The following DYM variants were observed in gnomAD, a reference collection of about 807,000 sequenced individuals.
DYM encodes the protein dymeclin.
A neutral mutation model predicts 93.1 loss-of-function variants in DYM; 78 were observed. The observed-to-expected ratio is 0.84, with a 90% CI of 0.70 to 1.01. The LOEUF (loss-of-function observed/expected upper bound fraction) is 1.01. Among genes scored for constraint, DYM ranks in the 50% least tolerant of loss-of-function variants. DYM has a pLI of 0.00. For synonymous variants in DYM, 321 were observed against 319.7 expected (o/e 1.00, Z -0.04); for missense variants, 789 against 845.0 (o/e 0.93, Z 0.82).
chr18:49,108,602 C>G (rs986323966), intron 16 of DYM, among the ~76,000 whole-genome samples: 1 of 152,230 alleles, frequency 6.6e-6, no homozygotes, highest in Non-Finnish European at 1.5e-5. Flanking sequence ...AGAATATACT[C>G]TAGGTGATCT....
At chr18:49,259,349 C>T (rs932127351) in intron 11 of DYM, among the ~76,000 whole-genome samples, 5 of 152,232 alleles carry the variant, frequency 3.3e-5, no homozygotes, top group Non-Finnish European at 7.3e-5. Context: ...AGACTCTCTT[C>T]TAATTACCAG....
intron 2 of DYM, among the ~76,000 whole-genome samples, chr18:49,424,487 A>T (rs2074059373): frequency 6.6e-6 from 1 of 152,080 alleles, no homozygotes; most frequent in Non-Finnish European, 1.5e-5. Context: ...AAACTGGCAC[A>T]GGACAGGGAT....
At chr18:49,265,636 G>T (rs1265600443) in intron 11 of DYM, among the ~76,000 whole-genome samples, 3 of 151,966 alleles carry the variant, frequency 2.0e-5, no homozygotes, top group African/African-American at 7.3e-5. Context: ...AAATTAGCCG[G>T]GTGTGGTGGC....
chr18:49,195,812 C>T (rs992921145), intron 14 of DYM, among the ~76,000 whole-genome samples: 1 of 151,932 alleles, frequency 6.6e-6, no homozygotes, highest in Admixed American at 6.6e-5. Context: ...CTTAGGGAGC[C>T]TTCGTTTAGT....
chr18:49,388,163 C>T (rs914327637), intron 3 of DYM, among the ~76,000 whole-genome samples: 1 of 151,914 alleles, frequency 6.6e-6, no homozygotes, highest in African/African-American at 2.4e-5. Context: ...GATCCCACCT[C>T]TACAGAAAAC....
chr18:49,441,306 TAATTAA>T (rs1568455180), intron 1 of DYM, among the ~76,000 whole-genome samples: 13 of 50,178 alleles, frequency 2.6e-4, no homozygotes, highest in African/African-American at 1.1e-3. Flanking sequence ...TAATTATATA[TAATTAA>T]TATATAATTA....
chr18:49,330,949 A>G (rs1417743416), intron 8 of DYM, among the ~76,000 whole-genome samples: 1 of 152,254 alleles, frequency 6.6e-6, no homozygotes, highest in East Asian at 1.9e-4. Flanking sequence ...TCTGTCAATT[A>G]ACAGACCAAG....
intron 14 of DYM, among the ~76,000 whole-genome samples, chr18:49,174,648 A>T (rs2089177252): frequency 6.6e-6 from 1 of 152,186 alleles, no homozygotes; most frequent in African/African-American, 2.4e-5. Flanking sequence ...CAATGAATAT[A>T]AGCTCTAGTT....
chr18:49,387,537 C>T (rs1263874784), intron 3 of DYM, among the ~76,000 whole-genome samples: 4 of 152,136 alleles, frequency 2.6e-5, no homozygotes, highest in South Asian at 2.1e-4. Context: ...TCCCAAAGTG[C>T]TGGGATTACA....
At chr18:49,179,802 C>G (rs2089741703) in intron 14 of DYM, among the ~76,000 whole-genome samples, 1 of 152,082 alleles carries the variant, frequency 6.6e-6, no homozygotes, top group Admixed American at 6.6e-5. Flanking sequence ...CATTCTTAAT[C>G]AGCAGAGATA....
chr18:49,339,491 T>C (rs1402251025), intron 6 of DYM, among the ~76,000 whole-genome samples: 1 of 152,174 alleles, frequency 6.6e-6, no homozygotes, highest in Non-Finnish European at 1.5e-5. Context: ...TGCCTTGCTG[T>C]AGGCTAACAT....
chr18:49,127,540 C>A (rs1457656221), intron 15 of DYM, among the ~76,000 whole-genome samples: 1 of 152,116 alleles, frequency 6.6e-6, no homozygotes, highest in African/African-American at 2.4e-5. Flanking sequence ...GTCTAAATTT[C>A]CTGCATTTTC....
rs540189318 is a variant in DYM at position 49,195,916 on chromosome 18, C to CTTTTTTTTTTT, written c.1625+13624_1625+13634dup. 7.1e-3 allele frequency among the ~76,000 whole-genome samples: 600 copies of CTTTTTTTTTTT among 84,012 alleles called. 94 individuals are homozygous for CTTTTTTTTTTT. The highest frequency in any genetic ancestry group is 0.032 in the African/African-American group (567 of 17,724). 55.1% of individuals were successfully genotyped at this position (84,012 alleles called of 152,430 possible). On this transcript the variant is annotated intron_variant, in intron 14 of 17. Transcript: ENST00000675505. ...ATTATGCTCTCTTGAATGCTACCAT[C>CTTTTTTTTTTT]TTTTTTTTTTTTTTTTTTTTTTTTT...
At chr18:49,055,351 G>A (rs940406716) in intron 17 of DYM, among the ~76,000 whole-genome samples, 8 of 152,200 alleles carry the variant, frequency 5.3e-5, no homozygotes, top group Admixed American at 5.2e-4. Flanking sequence ...AGAGACTCGT[G>A]ATCTAAAAGC....
intron 10 of DYM, among the ~76,000 whole-genome samples, chr18:49,280,230 T>C (rs1233078614): frequency 2.0e-5 from 3 of 152,252 alleles, no homozygotes; most frequent in Admixed American, 1.3e-4. Context: ...ACAGGAGTTT[T>C]TGTCTATGAA....
chr18:49,143,950 A>AAT (rs1228609360), intron 15 of DYM, among the ~76,000 whole-genome samples: 2 of 152,176 alleles, frequency 1.3e-5, no homozygotes, highest in Non-Finnish European at 2.9e-5. Flanking sequence ...GTATCTCTAA[A>AAT]ATATAAAGAT....
intron 3 of DYM, among the ~76,000 whole-genome samples, chr18:49,384,950 AAAG>A (rs1314782658): frequency 6.6e-6 from 1 of 152,026 alleles, no homozygotes; most frequent in Non-Finnish European, 1.5e-5. Flanking sequence ...CTGAACTGAA[AAAG>A]ATCTTCGTAC....
intron 10 of DYM, among the ~76,000 whole-genome samples, chr18:49,276,219 C>T (rs2094843529): frequency 6.6e-6 from 1 of 151,994 alleles, no homozygotes; most frequent in African/African-American, 2.4e-5. Flanking sequence ...CATAGAAGCC[C>T]TTTACTCATC....
intron 15 of DYM, among the ~76,000 whole-genome samples, chr18:49,136,697 A>G (rs1460374649): frequency 6.6e-6 from 1 of 152,166 alleles, no homozygotes; most frequent in Non-Finnish European, 1.5e-5. Context: ...AAATACTCTT[A>G]ATCAGGCATG....
Sources: gnomAD v4.1 joint callset for allele counts (sites outside exome capture counted in the v4.1 genomes callset) on GRCh38, gnomAD v4.1.1 for gene constraint, MANE v1.5 for transcripts, NCBI Gene and HGNC (gene_info 2026-07-23, HGNC 2026-07-21) for gene names.